PIP5K1C: variants seen among roughly 807,000 people sequenced by gnomAD.
The protein encoded by PIP5K1C is phosphatidylinositol-4-phosphate 5-kinase type 1 gamma.
Under a neutral mutation model 80.1 loss-of-function variants are expected in PIP5K1C, and 45 were observed. That is an observed-to-expected ratio of 0.56 (90% CI 0.44 to 0.72). PIP5K1C has a LOEUF of 0.72. Among genes scored for constraint, PIP5K1C ranks in the 30% least tolerant of loss-of-function variants. The pLI, the probability that PIP5K1C is intolerant of heterozygous loss-of-function variation, is 0.00. For missense variants in PIP5K1C, 753 were observed against 954.6 expected (o/e 0.79, Z 2.78); for synonymous variants, 498 against 420.1 (o/e 1.19, Z -2.27).
At chr19:3,676,883 T>C (rs1462700136) in intron 1 of PIP5K1C, among the ~76,000 whole-genome samples, 1 of 152,146 alleles carries the variant, frequency 6.6e-6, no homozygotes, top group Non-Finnish European at 1.5e-5. Context: ...GAGGACGGCT[T>C]GAGCCCAGAA....
chr19:3,652,462 T>G (rs560284289), intron 7 of PIP5K1C, among the ~76,000 whole-genome samples: 1 of 151,540 alleles, frequency 6.6e-6, no homozygotes, highest in Admixed American at 6.6e-5. Flanking sequence ...TTTCTGGGGG[T>G]ATGGGTCAAG....
At position 3,651,897 on chromosome 19, in the gene PIP5K1C, C is replaced by T. The variant is rs760381652; in HGVS notation, c.1056G>A (p.Ala352=). The change falls in exon 8 of 18, where the codon GCG becomes GCA. Residue 352 remains alanine, a synonymous_variant. Coordinates refer to ENST00000335312, the MANE Select transcript of PIP5K1C (RefSeq NM_012398.3). ...SDEKRPVGQK[A]LYSTAMESIQ... The stretch of plus-strand genomic sequence containing the variant: ...TGGACTCCATGGCCGTGGAGTAGAG[C>T]GCCTTCTGGCCCACAGGCCGCTTCT... The T allele has an allele frequency of 9.5e-5, 154 of 1,612,694 alleles. No individual in the cohort carries two copies. Among genetic ancestry groups the T allele is most frequent in the Non-Finnish European group, 1.2e-4 (144 of 1,179,934 alleles).
intron 1 of PIP5K1C, among the ~76,000 whole-genome samples, chr19:3,681,118 A>C (rs889437166): frequency 6.6e-6 from 1 of 151,996 alleles, no homozygotes; most frequent in Admixed American, 6.6e-5. Flanking sequence ...GAGTCAACAC[A>C]GTATGGAGGT....
intron 1 of PIP5K1C, among the ~76,000 whole-genome samples, chr19:3,689,218 C>G (rs556133332): frequency 1.3e-5 from 2 of 151,828 alleles, no homozygotes; most frequent in East Asian, 3.9e-4. Context: ...GAAATAAAAA[C>G]GAACATACAA....
intron 14 of PIP5K1C, 22 bp from the exon 15 acceptor site, chr19:3,641,831 G>A (rs1196326884): frequency 3.1e-6 from 5 of 1,594,408 alleles, no homozygotes; most frequent in South Asian, 2.2e-5. Context: ...GGGAGGTTGT[G>A]CCTCGGTTTC....
intron 4 of PIP5K1C, among the ~76,000 whole-genome samples, chr19:3,661,397 G>A (rs770009251): frequency 3.9e-5 from 6 of 152,246 alleles, no homozygotes; most frequent in African/African-American, 7.2e-5. Flanking sequence ...CCAATGACAC[G>A]AGTGGAGCAG....
At chr19:3,652,477 CA>C (rs1362517166) in intron 7 of PIP5K1C, among the ~76,000 whole-genome samples, 1 of 152,116 alleles carries the variant, frequency 6.6e-6, no homozygotes, top group East Asian at 1.9e-4. Context: ...GTCAAGTTCT[CA>C]AAGGGGTCGG....
At chr19:3,678,532 A>AGGAG (rs2035478996) in intron 1 of PIP5K1C, among the ~76,000 whole-genome samples, 1 of 80,748 alleles carries the variant, frequency 1.2e-5, no homozygotes. Flanking sequence ...GGAGGGATGG[A>AGGAG]TGGAGGGAGG....
At chr19:3,638,825 CGTGT>C in intron 16 of PIP5K1C, 55 bp downstream of exon 16, 1 of 1,606,088 alleles carries the variant, frequency 6.2e-7, no homozygotes, top group Non-Finnish European at 8.5e-7. Context: ...CACGGTGGAG[CGTGT>C]GTGAGAGAGA....
rs1486019485 is a variant in PIP5K1C at position 3,682,254 on chromosome 19, A to G, written c.95-14901T>C. ...CCAGGCATGGGGGTGCGCGCCTGTA[A>G]TCCCGGCTACTCAGGAGGCTGAGGC... On this transcript the variant is annotated intron_variant, in intron 1 of 17. Coordinates refer to ENST00000335312, the MANE Select transcript of PIP5K1C (RefSeq NM_012398.3). 2.6e-5 allele frequency among the ~76,000 whole-genome samples: 4 copies of G among 152,080 alleles called. No individual in the cohort carries two copies. In the East Asian group the frequency reaches 7.7e-4, roughly 29 times the overall value.
Position 3,630,312 on chromosome 19 carries a change from C to T in PIP5K1C, c.*2855G>A, listed in dbSNP as rs866940398. 1.3e-5 allele frequency: 2 copies of T among 152,448 alleles called. No homozygotes were observed. Among genetic ancestry groups the T allele is most frequent in the African/African-American group, 4.8e-5 (2 of 41,374 alleles). The allele number at this position is 152,448 out of a possible 1,614,324, so 9.4% of individuals were successfully genotyped here. A position where few individuals can be genotyped will look rare whatever the true frequency, so the allele number is the denominator to read the frequency against. ...GGCTGTATGGTTTCAGAGGCGCCCA[C>T]CACTCTGGGTTTGAGGGACACAGCA... On this transcript the variant is annotated 3_prime_UTR_variant, in exon 18 of 18. Transcript: ENST00000335312.
chr19:3,638,252 C>T (rs1048042774), intron 16 of PIP5K1C, among the ~76,000 whole-genome samples: 1 of 152,160 alleles, frequency 6.6e-6, no homozygotes, highest in African/African-American at 2.4e-5. Flanking sequence ...CCGGCAGCCA[C>T]CTCACCCAGA....
At chr19:3,695,718 T>C (rs2036081374) in intron 1 of PIP5K1C, among the ~76,000 whole-genome samples, 1 of 141,392 alleles carries the variant, frequency 7.1e-6, no homozygotes, top group African/African-American at 2.7e-5. Context: ...GACACCACAA[T>C]CCCACTGACC....
intron 1 of PIP5K1C, among the ~76,000 whole-genome samples, chr19:3,682,178 A>T (rs1438047702): frequency 6.6e-6 from 1 of 151,966 alleles, no homozygotes; most frequent in African/African-American, 2.4e-5. Context: ...GTTTGAGACC[A>T]GTCTGGCCAA....
At chr19:3,689,775 G>A (rs531835345) in intron 1 of PIP5K1C, among the ~76,000 whole-genome samples, 7 of 151,998 alleles carry the variant, frequency 4.6e-5, no homozygotes, top group East Asian at 1.9e-4. Context: ...ACACGCACAC[G>A]CTAACACACA....
At position 3,700,341 on chromosome 19, in the gene PIP5K1C, A is replaced by G; in HGVS notation, c.50T>C (p.Val17Ala). 7.7e-7 allele frequency: 1 copy of G among 1,294,260 alleles called. No individual in the cohort carries two copies. Among genetic ancestry groups the G allele is most frequent in the South Asian group, 1.5e-5 (1 of 66,540 alleles). 80.2% of individuals were successfully genotyped at this position (1,294,260 alleles called of 1,614,324 possible). Residue 17 changes from valine (V) to alanine (A), a missense_variant, in exon 1 of 18, where the codon GTG becomes GCG. By Grantham distance (64) the Val-to-Ala change is moderately conservative. Around this residue, in one of 6 missense-constraint regions of PIP5K1C, gnomAD observed 78 missense variants for 67.1 expected, o/e 1.16. Coordinates refer to ENST00000335312, the MANE Select transcript of PIP5K1C (RefSeq NM_012398.3). ...TGCCGCCCACGCCGCCTCCGAGGGCACGGCCCCCGCCTCAGCGCTCTCCGC... is the reference window on the plus strand; with the variant it reads ...TGCCGCCCACGCCGCCTCCGAGGGCGCGGCCCCCGCCTCAGCGCTCTCCGC... ...DEAESAEAGA[V>A]PSEAAWAAES...
At chr19:3,655,218 A>C (rs553522266) in intron 6 of PIP5K1C, among the ~76,000 whole-genome samples, 1 of 151,782 alleles carries the variant, frequency 6.6e-6, no homozygotes, top group African/African-American at 2.4e-5. Context: ...GGAAATCGAG[A>C]CCATCCTGGC....
chr19:3,654,818 GA>G (rs879758600), intron 6 of PIP5K1C, among the ~76,000 whole-genome samples: 2,279 of 70,474 alleles, frequency 0.032, 43 homozygotes, highest in African/African-American at 0.1. Context: ...CATCTCAAAA[GA>G]AAAAAAAAAA....
rs777592266 is a variant in PIP5K1C at position 3,661,982 on chromosome 19, T to C, written c.239A>G (p.Lys80Arg). 2.5e-6 allele frequency: 4 copies of C among 1,603,856 alleles called. No individual in the cohort carries two copies. In the South Asian group the frequency reaches 3.3e-5, roughly 13 times the overall value. ...GCCGATGCCCAGCTGGATGGCACCC[T>C]TCAGGGTGGAGGAGGTGGTCTGCAG... ...TYKKTTSSTL[K>R]GAIQLGIGYT... Residue 80 changes from lysine to arginine, a missense_variant, in exon 4 of 18, where the codon AAG (lysine) becomes AGG (arginine). Coordinates refer to ENST00000335312, the MANE Select transcript of PIP5K1C (RefSeq NM_012398.3).
Sources: gnomAD v4.1 joint callset for allele counts (sites outside exome capture counted in the v4.1 genomes callset) on GRCh38, gnomAD v4.1.1 for gene constraint, gnomAD v4.1.1 regional missense constraint, MANE v1.5 for transcripts, NCBI Gene and HGNC (gene_info 2026-07-23, HGNC 2026-07-21) for gene names.